Variants in CEMIP2 observed in about 807,000 individuals in gnomAD.
The protein encoded by CEMIP2 is cell surface hyaluronidase CEMIP2.
CEMIP2 carries 79 observed loss-of-function variants against 146.9 expected under a neutral mutation model. The observed-to-expected ratio is 0.54, with a 90% confidence interval of 0.45 to 0.65. CEMIP2 has a LOEUF of 0.65. CEMIP2 is among the 30% of genes least tolerant of loss of function. The pLI, the probability that CEMIP2 is intolerant of heterozygous loss-of-function variation, is 0.00. For missense variants in CEMIP2, 1,596 were observed against 1,696.2 expected (o/e 0.94, Z 1.04); for synonymous variants, 601 against 606.3 (o/e 0.99, Z 0.13).
chr9:71,739,012 T>G (rs890282780), intron 5 of CEMIP2, among the ~76,000 whole-genome samples: 2 of 152,130 alleles, frequency 1.3e-5, no homozygotes, highest in African/African-American at 4.8e-5. Flanking sequence ...TATCTCCTAC[T>G]AGCACTACTG....
chr9:71,712,377 T>C, intron 15 of CEMIP2, 117 bp from the exon 16 acceptor site: 2 of 945,346 alleles, frequency 2.1e-6, no homozygotes, highest in African/African-American at 1.6e-5. Flanking sequence ...AATTCTAGGA[T>C]ACAGTAGGAG....
chr9:71,744,853 G>A (rs988150999), intron 4 of CEMIP2, among the ~76,000 whole-genome samples, 165 bp downstream of exon 4: 2 of 152,138 alleles, frequency 1.3e-5, no homozygotes, highest in African/African-American at 4.8e-5. Flanking sequence ...TGTATGTGGT[G>A]TCCTATCCTC....
intron 1 of CEMIP2, among the ~76,000 whole-genome samples, chr9:71,763,803 A>T (rs766760857): frequency 1.3e-5 from 2 of 152,260 alleles, no homozygotes; most frequent in Non-Finnish European, 2.9e-5. Context: ...GTGTTTTAAG[A>T]CATACAGTTT....
chr9:71,703,021 T>C (rs898614709), intron 18 of CEMIP2, among the ~76,000 whole-genome samples: 2 of 152,234 alleles, frequency 1.3e-5, no homozygotes, highest in Admixed American at 6.5e-5. Flanking sequence ...TGTTTGTTTC[T>C]TTCATTGACT....
At chr9:71,699,872 T>C (rs1327458296) in intron 19 of CEMIP2, among the ~76,000 whole-genome samples, 3 of 152,220 alleles carry the variant, frequency 2.0e-5, no homozygotes, top group South Asian at 2.1e-4. Flanking sequence ...AAAAGCCACA[T>C]TGAATATAGA....
intron 4 of CEMIP2, among the ~76,000 whole-genome samples, chr9:71,741,746 C>T (rs749017014): frequency 7.1e-6 from 1 of 140,286 alleles, no homozygotes; most frequent in African/African-American, 2.6e-5. Flanking sequence ...TCAAGCGATT[C>T]TCCTGCCTTA....
intron 12 of CEMIP2, among the ~76,000 whole-genome samples, chr9:71,720,947 G>A (rs911849331): frequency 6.6e-6 from 1 of 151,950 alleles, no homozygotes; most frequent in Non-Finnish European, 1.5e-5. Flanking sequence ...ACCTAGTAAG[G>A]AACTACTTAA....
At chr9:71,759,948 A>G (rs1824581141) in intron 1 of CEMIP2, among the ~76,000 whole-genome samples, 1 of 151,440 alleles carries the variant, frequency 6.6e-6, no homozygotes, top group Non-Finnish European at 1.5e-5. Context: ...GAAGCCATAT[A>G]TTGCGGTGAA....
At chr9:71,741,092 C>G (rs903136674) in intron 4 of CEMIP2, among the ~76,000 whole-genome samples, 1 of 151,824 alleles carries the variant, frequency 6.6e-6, no homozygotes, top group African/African-American at 2.4e-5. Flanking sequence ...TTCTTTTATC[C>G]TTCTTCCTGA....
chr9:71,687,784 T>C (rs1400577975), intron 22 of CEMIP2, among the ~76,000 whole-genome samples: 1 of 152,210 alleles, frequency 6.6e-6, no homozygotes, highest in Non-Finnish European at 1.5e-5. Context: ...GAGGGTCACT[T>C]GAGCCTGAGA....
At chr9:71,741,842 C>T (rs1823930152) in intron 4 of CEMIP2, among the ~76,000 whole-genome samples, 1 of 151,830 alleles carries the variant, frequency 6.6e-6, no homozygotes, top group African/African-American at 2.4e-5. Flanking sequence ...GACAGGGTTT[C>T]ACCATGTTGG....
intron 2 of CEMIP2, 87 bp downstream of exon 2, chr9:71,749,956 T>C: frequency 3.2e-6 from 4 of 1,262,934 alleles, no homozygotes; most frequent in Non-Finnish European, 4.3e-6. Flanking sequence ...TAGGGCCAAC[T>C]TAAGATAAAT....
At chr9:71,743,065 A>G (rs1004897161) in intron 4 of CEMIP2, among the ~76,000 whole-genome samples, 9 of 152,228 alleles carry the variant, frequency 5.9e-5, no homozygotes, top group African/African-American at 1.9e-4. Flanking sequence ...ATTTAAAATT[A>G]AAAAAGAAAA....
At chr9:71,741,322 C>T (rs1016493660) in intron 4 of CEMIP2, among the ~76,000 whole-genome samples, 1 of 151,006 alleles carries the variant, frequency 6.6e-6, no homozygotes. Context: ...CTCAGCCTCC[C>T]GAGTAGCTGG....
chr9:71,762,762 C>T (rs1237003742), intron 1 of CEMIP2, among the ~76,000 whole-genome samples: 3 of 152,112 alleles, frequency 2.0e-5, no homozygotes, highest in Non-Finnish European at 4.4e-5. Flanking sequence ...TGTAATCCCA[C>T]CACTTTAGGA....
At chr9:71,721,345 A>C (rs1205722835) in intron 12 of CEMIP2, among the ~76,000 whole-genome samples, 1 of 151,938 alleles carries the variant, frequency 6.6e-6, no homozygotes, top group African/African-American at 2.4e-5. Flanking sequence ...TTTTCTTCTT[A>C]AGTTTATCTC....
chr9:71,742,811 A>C (rs1371884090), intron 4 of CEMIP2, among the ~76,000 whole-genome samples: 2 of 152,264 alleles, frequency 1.3e-5, no homozygotes, highest in Non-Finnish European at 2.9e-5. Context: ...TAAGAGATGG[A>C]TCAAGGAACA....
chr9:71,723,971 TATTA>T (rs1182389565), intron 11 of CEMIP2, among the ~76,000 whole-genome samples: 4 of 152,184 alleles, frequency 2.6e-5, no homozygotes, highest in Admixed American at 2.6e-4. Context: ...TTAATATTCT[TATTA>T]ATTGAGTAAA....
chr9:71,696,372 T>C (rs972861793), intron 20 of CEMIP2, among the ~76,000 whole-genome samples: 41 of 152,162 alleles, frequency 2.7e-4, no homozygotes, highest in African/African-American at 9.9e-4. Flanking sequence ...GTTTTTGTTG[T>C]TGTTGGTTTC....
Sources: gnomAD v4.1 joint callset for allele counts (sites outside exome capture counted in the v4.1 genomes callset) on GRCh38, gnomAD v4.1.1 for gene constraint, MANE v1.5 for transcripts, NCBI Gene and HGNC (gene_info 2026-07-23, HGNC 2026-07-21) for gene names.